The following SLK variants were observed in gnomAD, a reference collection of about 807,000 sequenced individuals.
SLK encodes the protein STE20 like kinase, also known as STE20-like serine/threonine-protein kinase.
SLK carries 67 observed loss-of-function variants against 147.7 expected under a neutral mutation model. The ratio of observed to expected loss-of-function variants is 0.45; its 90% CI spans 0.37 to 0.56. The LOEUF (loss-of-function observed/expected upper bound fraction) is 0.56, where lower values mean the gene tolerates loss of function less well. Among genes scored for constraint, SLK ranks in the 20% least tolerant of loss-of-function variants. The pLI, the probability that SLK is intolerant of heterozygous loss-of-function variation, is 0.00. For synonymous variants in SLK, 441 were observed against 475.0 expected (o/e 0.93, Z 0.93); for missense variants, 1,136 against 1,438.8 (o/e 0.79, Z 3.41).
At chr10:103,995,569 G>A (rs1247188258) in intron 4 of SLK, among the ~76,000 whole-genome samples, 1 of 151,686 alleles carries the variant, frequency 6.6e-6, no homozygotes, top group Non-Finnish European at 1.5e-5. Context: ...TAGGATTACA[G>A]GCATGTACCA....
chr10:103,975,126 C>T (rs1445254622), intron 1 of SLK, among the ~76,000 whole-genome samples: 4 of 151,868 alleles, frequency 2.6e-5, no homozygotes, highest in South Asian at 2.1e-4. Context: ...TTAAGAGAAC[C>T]GGTCTTCTCC....
intron 4 of SLK, among the ~76,000 whole-genome samples, chr10:103,996,899 T>G (rs1344538476): frequency 6.6e-6 from 1 of 152,246 alleles, no homozygotes; most frequent in African/African-American, 2.4e-5. Flanking sequence ...TAGCTTGCTT[T>G]CTTTTTTATC....
intron 13 of SLK, among the ~76,000 whole-genome samples, chr10:104,011,664 G>A (rs928632054): frequency 5.3e-5 from 8 of 151,696 alleles, no homozygotes; most frequent in Non-Finnish European, 1.0e-4. Flanking sequence ...GGGTTCAAGC[G>A]ATTCTCCTGC....
chr10:104,004,627 A>G (rs1219123809), intron 9 of SLK, among the ~76,000 whole-genome samples: 2 of 152,124 alleles, frequency 1.3e-5, no homozygotes, highest in Admixed American at 1.3e-4. Context: ...AGGATGCAGA[A>G]AGGTGATTGG....
In SLK at chr10:104,020,598, A is replaced by G; in HGVS notation, c.3432A>G (p.Glu1144=). ...LQLQCEANVR[E]LHQLQNEKCH... Reference sequence around the variant, plus strand: ...TGCAGTGTGAAGCCAATGTCCGCGAACTGCATCAGCTGCAGGTCAGATACA... The same window carrying G: ...TGCAGTGTGAAGCCAATGTCCGCGAGCTGCATCAGCTGCAGGTCAGATACA... The change falls in exon 17 of 19, where the codon GAA becomes GAG. Residue 1144 remains glutamate, a synonymous_variant. Transcript: ENST00000369755. The G allele has an allele frequency of 1.2e-6, 2 of 1,613,344 alleles. No individual in the cohort carries two copies. The highest frequency in any genetic ancestry group is 1.7e-6 in the Non-Finnish European group (2 of 1,179,708).
intron 1 of SLK, among the ~76,000 whole-genome samples, chr10:103,969,296 C>G (rs4918076): frequency 0.8 from 122,397 of 152,152 alleles, 49,389 homozygotes; most frequent in East Asian, 0.9. Context: ...CACCATTACA[C>G]TTCTGCCTCT....
At chr10:104,016,620 A>G (rs996351882) in intron 13 of SLK, among the ~76,000 whole-genome samples, 4 of 152,314 alleles carry the variant, frequency 2.6e-5, no homozygotes, top group African/African-American at 9.6e-5. Flanking sequence ...TCTCTACTAT[A>G]TATGTATTTA....
chr10:103,975,843 G>C (rs930371120), intron 1 of SLK, among the ~76,000 whole-genome samples: 8 of 152,174 alleles, frequency 5.3e-5, no homozygotes, highest in African/African-American at 1.9e-4. Context: ...GGGATGCCAA[G>C]GTGGGAGGGT....
At chr10:103,975,170 A>G (rs530630245) in intron 1 of SLK, among the ~76,000 whole-genome samples, 47 of 151,964 alleles carry the variant, frequency 3.1e-4, no homozygotes, top group African/African-American at 1.0e-3. Flanking sequence ...TGCAATTTCT[A>G]TCTTTACCCT....
intron 1 of SLK, among the ~76,000 whole-genome samples, chr10:103,979,042 G>T (rs866743695): frequency 1.6e-4 from 25 of 151,978 alleles, no homozygotes; most frequent in African/African-American, 5.6e-4. Flanking sequence ...TTGAGACAGG[G>T]TCTCACTCTG....
intron 1 of SLK, among the ~76,000 whole-genome samples, chr10:103,989,540 C>G (rs946011887): frequency 2.2e-5 from 3 of 138,394 alleles, no homozygotes; most frequent in African/African-American, 8.3e-5. Flanking sequence ...GCAATTTCGG[C>G]TCACTGCAAG....
At chr10:103,996,238 TC>T (rs1844170485) in intron 4 of SLK, among the ~76,000 whole-genome samples, 1 of 152,172 alleles carries the variant, frequency 6.6e-6, no homozygotes, top group Non-Finnish European at 1.5e-5. Context: ...AATATGTTAC[TC>T]TGTTTTCTTC....
intron 1 of SLK, among the ~76,000 whole-genome samples, chr10:103,971,161 A>T (rs1302823294): frequency 2.0e-5 from 3 of 152,218 alleles, no homozygotes; most frequent in Non-Finnish European, 2.9e-5. Flanking sequence ...TCACTACTTT[A>T]AATTTATTTT....
rs772801480 is a variant in SLK, at chr10:104,003,068, C to T, written c.1890C>T (p.Ile630=). Residue 630 remains isoleucine, a synonymous_variant, in exon 9 of 19, where the codon ATC becomes ATT. Transcript: ENST00000369755. ...ACAGTTCAGAGAACATAATGGACAT[C>T]AATGAGGAACCAGGAACAACTGAAG... ...AINSSENIMD[I]NEEPGTTEGE... is the part of the protein sequence containing the mutation. The T allele has an allele frequency of 6.2e-7, 1 of 1,613,880 alleles. No individual in the cohort carries two copies. The highest frequency in any genetic ancestry group is 2.2e-5 in the East Asian group (1 of 44,876).
At chr10:104,010,054 A>G (rs1306014951) in intron 12 of SLK, among the ~76,000 whole-genome samples, 4 of 152,202 alleles carry the variant, frequency 2.6e-5, no homozygotes, top group Non-Finnish European at 4.4e-5. Flanking sequence ...GAAATGATTA[A>G]AAGAAGGAGC....
At chr10:103,969,016 T>C (rs986925700) in intron 1 of SLK, among the ~76,000 whole-genome samples, 1 of 152,154 alleles carries the variant, frequency 6.6e-6, no homozygotes, top group Non-Finnish European at 1.5e-5. Context: ...TTGCCCAGGC[T>C]GGAGTGCAAT....
At position 103,967,769 on chromosome 10, in the gene SLK, G is replaced by T; in HGVS notation, c.24G>T (p.Lys8Asn). The part of the protein sequence containing the change: MSFFNFR[K>N]IFKLGSEKKK... ...AAATGTCCTTCTTCAATTTCCGTAA[G>T]ATCTTCAAGTTGGGGAGCGAGAAGA... The change falls in exon 1 of 19, where the codon AAG (lysine) becomes AAT (asparagine). Residue 8 changes from lysine to asparagine, a missense_variant. By Grantham distance (94) the Lys-to-Asn change is moderately conservative (BLOSUM62 0). This residue lies in a region of SLK where 126 missense variants were observed against 141.3 expected (regional missense o/e 0.89). Coordinates refer to ENST00000369755, the MANE Select transcript of SLK (RefSeq NM_014720.4). 6.2e-7 allele frequency: 1 copy of T among 1,614,098 alleles called. No individual in the cohort carries two copies. The highest frequency in any genetic ancestry group is 8.5e-7 in the Non-Finnish European group (1 of 1,179,954).
chr10:104,006,658 T>C (rs563962140), intron 11 of SLK, among the ~76,000 whole-genome samples: 10 of 152,318 alleles, frequency 6.6e-5, no homozygotes, highest in South Asian at 6.2e-4. Flanking sequence ...TCTGCCTTAA[T>C]GTAGGTTAGA....
rs547648472 is a variant in SLK, at chr10:103,968,858, T to G, written c.150+963T>G. Among the ~76,000 whole-genome samples the G allele has an allele frequency of 1.4e-4, 21 of 152,362 alleles. No homozygotes were observed. In the South Asian group the frequency reaches 4.1e-3, roughly 30 times the overall value. Reference sequence around the variant, plus strand: ...TCACAGATGAAGATATTGAAATTGTTCACAGTCACATGAGTCTCAGCCTAG... The same window carrying G: ...TCACAGATGAAGATATTGAAATTGTGCACAGTCACATGAGTCTCAGCCTAG... On this transcript the variant is annotated intron_variant, in intron 1 of 18. Transcript: ENST00000369755.
Sources: gnomAD v4.1 joint callset for allele counts (sites outside exome capture counted in the v4.1 genomes callset) on GRCh38, gnomAD v4.1.1 for gene constraint, gnomAD v4.1.1 regional missense constraint, MANE v1.5 for transcripts, NCBI Gene and HGNC (gene_info 2026-07-23, HGNC 2026-07-21) for gene names.